Variants in CPED1 observed in about 807,000 individuals in gnomAD.
The protein encoded by CPED1 is cadherin like and PC-esterase domain containing 1.
CPED1 carries 114 observed loss-of-function variants against 128.2 expected under a neutral mutation model. The ratio of observed to expected loss-of-function variants is 0.89; its 90% confidence interval spans 0.76 to 1.04. The LOEUF is 1.04. Ranked by LOEUF, CPED1 falls within the 50% of genes least tolerant of loss-of-function variation. The pLI is 0.00. For synonymous variants in CPED1, 462 were observed against 426.7 expected (o/e 1.08, Z -1.02); for missense variants, 1,211 against 1,207.1 (o/e 1.00, Z -0.05).
intron 16 of CPED1, among the ~76,000 whole-genome samples, chr7:121,157,405 T>G (rs971331874): frequency 6.6e-6 from 1 of 152,048 alleles, no homozygotes; most frequent in African/African-American, 2.4e-5. Context: ...GGAAAAGGTT[T>G]GAGGGGCCAA....
Position 121,127,110 on chromosome 7 carries a change from T to C in CPED1, c.1155T>C (p.Phe385=). Residue 385 remains phenylalanine (F), a synonymous_variant, in exon 10 of 23, where the codon TTT becomes TTC. Transcript: ENST00000310396. The part of the protein sequence containing the change: ...VVLQVHEHLN[F]QDYDNMDFED... ...CAAAGGTACACGAGCATTTAAATTT[T>C]CAAGATTATGATAATATGGATTTTG... 1.3e-6 allele frequency: 2 copies of C among 1,592,644 alleles called. No homozygotes were observed. The highest frequency in any genetic ancestry group is 1.7e-6 in the Non-Finnish European group (2 of 1,172,016).
chr7:121,014,280 C>T (rs756566837), intron 2 of CPED1, among the ~76,000 whole-genome samples: 2 of 152,194 alleles, frequency 1.3e-5, no homozygotes, highest in East Asian at 1.9e-4. Context: ...GGGCCGGGTG[C>T]GGTGGCTCAC....
At chr7:121,136,806 G>T (rs35758028) in intron 14 of CPED1, among the ~76,000 whole-genome samples, 1 of 151,880 alleles carries the variant, frequency 6.6e-6, no homozygotes, top group Admixed American at 6.6e-5. Flanking sequence ...GGGAGGCCAA[G>T]GCAGGGGGAT....
chr7:121,121,748 A>G (rs1031901424), intron 7 of CPED1, among the ~76,000 whole-genome samples: 26 of 152,308 alleles, frequency 1.7e-4, no homozygotes, highest in African/African-American at 5.8e-4. Context: ...AAGAAAGTGC[A>G]TGGGTGAAAT....
At chr7:120,993,775 G>A (rs1796347168) in intron 2 of CPED1, 1 of 156,126 alleles carries the variant, frequency 6.4e-6, no homozygotes, top group Non-Finnish European at 1.4e-5. Context: ...TTTCTAGAGA[G>A]GCTTTCTTCA....
chr7:121,089,472 T>C (rs1230865975), intron 5 of CPED1, among the ~76,000 whole-genome samples: 4 of 152,220 alleles, frequency 2.6e-5, no homozygotes, highest in Admixed American at 2.0e-4. Flanking sequence ...AAGTAAAAGA[T>C]ATATTAACAC....
At chr7:121,236,455 A>T (rs1346192673) in intron 16 of CPED1, among the ~76,000 whole-genome samples, 1 of 152,122 alleles carries the variant, frequency 6.6e-6, no homozygotes, top group Admixed American at 6.6e-5. Context: ...GTTGACACAG[A>T]TATATTTTTA....
At chr7:121,073,489 A>G (rs1794044138) in intron 5 of CPED1, among the ~76,000 whole-genome samples, 1 of 152,172 alleles carries the variant, frequency 6.6e-6, no homozygotes, top group Non-Finnish European at 1.5e-5. Flanking sequence ...TTCTCTAAAA[A>G]TGTTTCTACA....
chr7:121,034,334 G>T (rs1792827933), intron 3 of CPED1, among the ~76,000 whole-genome samples: 1 of 137,494 alleles, frequency 7.3e-6, no homozygotes, highest in Non-Finnish European at 1.5e-5. Context: ...TGCAACCTCT[G>T]CCTCCCAGGT....
chr7:121,182,685 G>GT (rs1419530849), intron 16 of CPED1, among the ~76,000 whole-genome samples: 1 of 152,054 alleles, frequency 6.6e-6, no homozygotes, highest in Non-Finnish European at 1.5e-5. Flanking sequence ...TGGTCAGATT[G>GT]TAAGTTCTAT....
intron 7 of CPED1, among the ~76,000 whole-genome samples, chr7:121,103,156 A>C (rs935101899): frequency 6.6e-6 from 1 of 152,122 alleles, no homozygotes; most frequent in Non-Finnish European, 1.5e-5. Context: ...TGCTTCATTC[A>C]CTATCTCCTT....
chr7:121,220,620 T>A (rs575033009), intron 16 of CPED1, among the ~76,000 whole-genome samples: 233 of 152,136 alleles, frequency 1.5e-3, no homozygotes, highest in African/African-American at 5.2e-3. Flanking sequence ...AGCTATCAGT[T>A]CTCTTCTTTT....
intron 2 of CPED1, 134 bp downstream of exon 2, chr7:120,990,004 A>G: frequency 4.9e-6 from 5 of 1,019,620 alleles, no homozygotes; most frequent in Non-Finnish European, 7.2e-6. Context: ...CTAGAGAGTG[A>G]CCTGATGACT....
intron 16 of CPED1, among the ~76,000 whole-genome samples, chr7:121,145,688 T>A (rs983422831): frequency 6.6e-6 from 1 of 152,116 alleles, no homozygotes; most frequent in Admixed American, 6.6e-5. Context: ...TTATTTCTCT[T>A]TTATATTTAA....
chr7:121,046,546 A>G (rs2116901741), intron 3 of CPED1, among the ~76,000 whole-genome samples: 1 of 152,154 alleles, frequency 6.6e-6, no homozygotes, highest in Non-Finnish European at 1.5e-5. Flanking sequence ...AATCTACAAA[A>G]AAAGACTTTA....
chr7:121,114,020 C>G (rs73433953), intron 7 of CPED1, among the ~76,000 whole-genome samples: 1 of 151,976 alleles, frequency 6.6e-6, no homozygotes, highest in East Asian at 1.9e-4. Flanking sequence ...TTTGTAGAGA[C>G]GGCCTTTCAC....
At chr7:121,078,267 TTTC>T (rs1794185256) in intron 5 of CPED1, among the ~76,000 whole-genome samples, 1 of 152,050 alleles carries the variant, frequency 6.6e-6, no homozygotes, top group Non-Finnish European at 1.5e-5. Flanking sequence ...GTGGTCTCAA[TTTC>T]TTGACCTTGT....
chr7:121,152,927 T>G (rs548648442), intron 16 of CPED1, among the ~76,000 whole-genome samples: 1 of 152,318 alleles, frequency 6.6e-6, no homozygotes, highest in South Asian at 2.1e-4. Flanking sequence ...GCCTTAAACA[T>G]GTATTTTAAT....
intron 5 of CPED1, among the ~76,000 whole-genome samples, chr7:121,074,541 T>G (rs1794076352): frequency 1.3e-5 from 1 of 74,910 alleles, no homozygotes; most frequent in Non-Finnish European, 2.9e-5. Context: ...GGCACCTTCA[T>G]CTGCATTAAA....
Sources: allele counts gnomAD v4.1 joint callset (sites outside exome capture counted in the v4.1 genomes callset), GRCh38; gene constraint gnomAD v4.1.1; transcripts MANE v1.5; gene names NCBI Gene and HGNC (gene_info 2026-07-23, HGNC 2026-07-21).